The following STRIT1 variants were observed in gnomAD, a reference collection of about 807,000 sequenced individuals.
The protein encoded by STRIT1 is sarcoplasmic/endoplasmic reticulum calcium ATPase regulator DWORF.
intron 1 of STRIT1, among the ~76,000 whole-genome samples, chr3:155,292,985 T>C (rs371667497): frequency 2.5e-4 from 38 of 152,296 alleles, no homozygotes; most frequent in African/African-American, 8.9e-4. Flanking sequence ...GGGATGATGA[T>C]GATATGCATA....
At chr3:155,290,873 A>T in intron 2 of STRIT1, 27 bp from the exon 3 acceptor site, 1 of 397,350 alleles carries the variant, frequency 2.5e-6, no homozygotes, top group Non-Finnish European at 4.4e-6. Context: ...TCCATTAGTA[A>T]AATAGAAAAG....
At chr3:155,291,231 A>C in intron 1 of STRIT1, 193 bp from the exon 2 acceptor site, 1 of 365,170 alleles carries the variant, frequency 2.7e-6, no homozygotes. Context: ...TTTTGAATCA[A>C]ACCATGGGTC....
In STRIT1 at chr3:155,290,797, T is replaced by C. The variant is rs958106303; in HGVS notation, c.*54A>G. 7 of 390,524 alleles carry C rather than the reference T, an allele frequency of 1.8e-5. No homozygotes were observed. The highest frequency in any genetic ancestry group is 7.3e-5 in the East Asian group (2 of 27,548). The allele number at this position is 390,524 out of a possible 1,614,324, so 24.2% of individuals were successfully genotyped here. ...TGAGACATTTAATAATCAGTCATGT[T>C]CATAGTTTTCTTAATTCTTCTAAAT... On this transcript the variant is annotated 3_prime_UTR_variant, in exon 3 of 3. Coordinates refer to ENST00000489090, the MANE Select transcript of STRIT1 (RefSeq NM_001352129.2).
Position 155,290,393 on chromosome 3 carries a change from C to CTTTTTTTT in STRIT1, c.*450_*457dup, listed in dbSNP as rs5853720. On this transcript the variant is annotated 3_prime_UTR_variant, in exon 3 of 3. Transcript: ENST00000489090. Reference sequence around the variant, plus strand: ...TTTTTATCTCTAGCCCATTTTCTTTCTTTTTTTTTTTTTTTTTTTTTTTTT... The same window carrying CTTTTTTTT: ...TTTTTATCTCTAGCCCATTTTCTTTCTTTTTTTTTTTTTTTTTTTTTTTTTTTTTTTTT... 241 of 59,614 alleles carry CTTTTTTTT rather than the reference C, an allele frequency of 4.0e-3. 31 individuals are homozygous for CTTTTTTTT. The highest frequency in any genetic ancestry group is 0.019 in the East Asian group (29 of 1,540). The allele number at this position is 59,614 out of a possible 1,614,324, so 3.7% of individuals were successfully genotyped here. A position where few individuals can be genotyped will look rare whatever the true frequency, so the allele number is the denominator to read the frequency against.
chr3:155,292,939 A>G (rs1576716047), intron 1 of STRIT1, among the ~76,000 whole-genome samples: 1 of 152,138 alleles, frequency 6.6e-6, no homozygotes, highest in African/African-American at 2.4e-5. Context: ...ACAAGTTACT[A>G]AACTGCTGTG....
chr3:155,293,100 A>C (rs1382745006), intron 1 of STRIT1, among the ~76,000 whole-genome samples: 1 of 152,206 alleles, frequency 6.6e-6, no homozygotes, highest in Non-Finnish European at 1.5e-5. Context: ...AATTGGAATC[A>C]ATTATTTTAT....
intron 1 of STRIT1, 54 bp from the exon 2 acceptor site, chr3:155,291,092 TTC>T (rs1254598116): frequency 2.5e-6 from 1 of 397,994 alleles, no homozygotes; most frequent in East Asian, 3.6e-5. Flanking sequence ...ATATTAAATT[TTC>T]TGTGTCAAGA....
chr3:155,291,566 A>T (rs914573135), intron 1 of STRIT1, among the ~76,000 whole-genome samples: 2 of 152,160 alleles, frequency 1.3e-5, no homozygotes, highest in Non-Finnish European at 2.9e-5. Flanking sequence ...GCTGAATGTA[A>T]TTTTAAATAT....
intron 1 of STRIT1, 43 bp from the exon 2 acceptor site, chr3:155,291,081 CAT>C (rs1715623960): frequency 5.0e-6 from 2 of 397,890 alleles, no homozygotes; most frequent in African/African-American, 2.1e-5. Context: ...TGGTCATTTT[CAT>C]ATTAAATTTT....
chr3:155,291,350 A>G (rs1715634063), intron 1 of STRIT1: 1 of 202,628 alleles, frequency 4.9e-6, no homozygotes, highest in Non-Finnish European at 9.8e-6. Context: ...TTGAACATCA[A>G]ATGACATAAC....
At chr3:155,292,435 C>T (rs987928831) in intron 1 of STRIT1, among the ~76,000 whole-genome samples, 2 of 152,102 alleles carry the variant, frequency 1.3e-5, no homozygotes, top group African/African-American at 4.8e-5. Context: ...TTTGAACTGT[C>T]TAGGTATGTG....
intron 1 of STRIT1, among the ~76,000 whole-genome samples, chr3:155,293,149 C>A (rs1429093291): frequency 6.6e-6 from 1 of 151,654 alleles, no homozygotes; most frequent in Admixed American, 6.6e-5. Context: ...TGTTTAAAAA[C>A]CAGAAAAAAG....
At chr3:155,291,928 G>A (rs1576715758) in intron 1 of STRIT1, among the ~76,000 whole-genome samples, 1 of 152,126 alleles carries the variant, frequency 6.6e-6, no homozygotes. Context: ...TGGAATTAAT[G>A]TCCCTGTGTT....
At chr3:155,291,174 T>C (rs1404653277) in intron 1 of STRIT1, 136 bp from the exon 2 acceptor site, 4 of 389,844 alleles carry the variant, frequency 1.0e-5, no homozygotes, top group Non-Finnish European at 1.8e-5. Flanking sequence ...CATAATTATT[T>C]TTTCTTTTCT....
At chr3:155,293,131 CA>C (rs899957535) in intron 1 of STRIT1, among the ~76,000 whole-genome samples, 6 of 151,728 alleles carry the variant, frequency 4.0e-5, no homozygotes, top group East Asian at 1.9e-4. Flanking sequence ...AATATAAATA[CA>C]AAAAAATGTT....
intron 1 of STRIT1, among the ~76,000 whole-genome samples, chr3:155,292,179 A>G (rs1310821205): frequency 1.3e-5 from 2 of 152,174 alleles, no homozygotes; most frequent in African/African-American, 4.8e-5. Context: ...ACTTTAAATC[A>G]ATTTTTCCAA....
intron 1 of STRIT1, chr3:155,291,425 G>A (rs1715635670): frequency 6.4e-6 from 1 of 156,990 alleles, no homozygotes; most frequent in Non-Finnish European, 1.4e-5. Flanking sequence ...ACACATTCAT[G>A]CATTTGTGCA....
In STRIT1 at chr3:155,290,716, G is replaced by T. The variant is rs1389311078; in HGVS notation, c.*135C>A. 3.0e-6 allele frequency: 1 copy of T among 336,138 alleles called. No homozygotes were observed. The highest frequency in any genetic ancestry group is 4.5e-5 in the East Asian group (1 of 22,432). 20.8% of individuals were successfully genotyped at this position (336,138 alleles called of 1,614,324 possible). A position where few individuals can be genotyped will look rare whatever the true frequency, so the allele number is the denominator to read the frequency against. On this transcript the variant is annotated 3_prime_UTR_variant, in exon 3 of 3. Transcript: ENST00000489090. ...TGAAGAAATTCTTATGCATACCAAAGTGCCAGTTTATGATCCAAGTTTGTA... is the reference window on the plus strand; with the variant it reads ...TGAAGAAATTCTTATGCATACCAAATTGCCAGTTTATGATCCAAGTTTGTA...
intron 1 of STRIT1, 47 bp downstream of exon 1, chr3:155,293,573 G>A: frequency 2.5e-6 from 1 of 394,128 alleles, no homozygotes; most frequent in Admixed American, 4.5e-5. Flanking sequence ...AAGTCAAGAA[G>A]CCTTTTTTTT....
Sources: allele counts gnomAD v4.1 joint callset (sites outside exome capture counted in the v4.1 genomes callset), GRCh38; gene constraint gnomAD v4.1.1; transcripts MANE v1.5; gene names NCBI Gene and HGNC (gene_info 2026-07-23, HGNC 2026-07-21).